Variants in LRP1B observed in about 807,000 individuals in gnomAD.
The protein encoded by LRP1B is LDL receptor related protein 1B, also known as low-density lipoprotein receptor-related protein 1B.
A neutral mutation model predicts 556.6 loss-of-function variants in LRP1B; 217 were observed. The ratio of observed to expected loss-of-function variants is 0.39; its 90% CI spans 0.35 to 0.44. The LOEUF (loss-of-function observed/expected upper bound fraction) is 0.44. LRP1B is among the 20% of genes least tolerant of loss of function. The pLI is 1.00. For missense variants in LRP1B, 5,053 were observed against 5,620.8 expected (o/e 0.90, Z 3.23); for synonymous variants, 2,047 against 1,865.8 (o/e 1.10, Z -2.50).
intron 1 of LRP1B, among the ~76,000 whole-genome samples, chr2:141,966,653 C>T (rs1047215068): frequency 2.0e-5 from 3 of 151,512 alleles, no homozygotes; most frequent in Non-Finnish European, 4.4e-5. Context: ...GAATCCATCT[C>T]GGGGGGCTGC....
At position 141,188,525 on chromosome 2, in the gene LRP1B, G is replaced by C. The variant is rs147017724; in HGVS notation, c.909C>G (p.Val303=). 1 of 1,612,592 alleles carries C rather than the reference G, an allele frequency of 6.2e-7. No homozygotes were observed. Among genetic ancestry groups the C allele is most frequent in the Non-Finnish European group, 8.5e-7 (1 of 1,179,206 alleles). The change falls in exon 7 of 91, where the codon GTC becomes GTG. Residue 303 remains valine (V), a synonymous_variant. Coordinates refer to ENST00000389484, the MANE Select transcript of LRP1B (RefSeq NM_018557.3). ...AATTACAAACAAAGATCCGGTCACC[G>C]ACATGGTCCACAAAATAGAGATTTC... ...LTRNLYFVDH[V]GDRIFVCNSN...
At position 141,062,400 on chromosome 2, in the gene LRP1B, T is replaced by C. The variant is rs1325197960; in HGVS notation, c.1014-127A>G. 9 of 616,968 alleles carry C rather than the reference T, an allele frequency of 1.5e-5. No individual in the cohort carries two copies. In the East Asian group the frequency reaches 1.7e-4, roughly 11 times the overall value. 38.2% of individuals were successfully genotyped at this position (616,968 alleles called of 1,614,324 possible). A position where few individuals can be genotyped will look rare whatever the true frequency, so the allele number is the denominator to read the frequency against. On this transcript the variant is annotated intron_variant, in intron 7 of 90. Coordinates refer to ENST00000389484, the MANE Select transcript of LRP1B (RefSeq NM_018557.3). ...AGTGATTACATCTGTTGGCTTCATA[T>C]AACCATTTCCTTATAATATCACTCA...
chr2:141,678,787 G>T (rs1690988610), intron 2 of LRP1B, among the ~76,000 whole-genome samples: 1 of 152,082 alleles, frequency 6.6e-6, no homozygotes, highest in South Asian at 2.1e-4. Flanking sequence ...CCAATTAATA[G>T]TTAGAAAAAT....
At chr2:141,597,367 AT>A (rs1390419962) in intron 2 of LRP1B, among the ~76,000 whole-genome samples, 3 of 152,000 alleles carry the variant, frequency 2.0e-5, no homozygotes, top group Admixed American at 6.6e-5. Flanking sequence ...TAGTACCTAG[AT>A]TTAAGCCGTA....
intron 43 of LRP1B, among the ~76,000 whole-genome samples, chr2:140,549,436 G>A (rs1490497022): frequency 1.3e-5 from 2 of 152,078 alleles, no homozygotes; most frequent in Non-Finnish European, 2.9e-5. Context: ...AATTAAAAGT[G>A]AGTTGATGGG....
chr2:141,987,966 T>C (rs1211289934), intron 1 of LRP1B, among the ~76,000 whole-genome samples: 1 of 151,894 alleles, frequency 6.6e-6, no homozygotes, highest in Admixed American at 6.6e-5. Flanking sequence ...TTATTATCAG[T>C]TTTGATCCCT....
chr2:141,050,886 G>C (rs1378468057), intron 10 of LRP1B, among the ~76,000 whole-genome samples: 1 of 152,046 alleles, frequency 6.6e-6, no homozygotes, highest in Non-Finnish European at 1.5e-5. Context: ...CTACCCATTT[G>C]ACAAAGGACT....
intron 1 of LRP1B, among the ~76,000 whole-genome samples, chr2:142,107,898 G>A (rs1012608295): frequency 7.4e-5 from 11 of 147,976 alleles, no homozygotes; most frequent in Admixed American, 2.7e-4. Flanking sequence ...CGCCCACCTC[G>A]GCCTCCCAAA....
intron 75 of LRP1B, 29 bp downstream of exon 75, chr2:140,356,313 G>T (rs1302933779): frequency 1.2e-6 from 2 of 1,606,700 alleles, no homozygotes; most frequent in South Asian, 2.2e-5. Flanking sequence ...AAAGATTTAT[G>T]AGCAAACTGT....
chr2:141,721,839 T>A (rs1692825303), intron 2 of LRP1B, among the ~76,000 whole-genome samples: 1 of 152,096 alleles, frequency 6.6e-6, no homozygotes, highest in Non-Finnish European at 1.5e-5. Flanking sequence ...TATGGCCATC[T>A]CCTGTATCAA....
rs750525512 is a variant in LRP1B at position 140,902,900 on chromosome 2, C to T, written c.3766+20G>A. ...AGATCTATTCTTAAATATAGCAACA[C>T]ACACAAAATAGTTACTTACCAACAC... On this transcript the variant is annotated intron_variant, in intron 23 of 90. Transcript: ENST00000389484. 1 of 1,607,932 alleles carries T rather than the reference C, an allele frequency of 6.2e-7. No individual in the cohort carries two copies. Among genetic ancestry groups the T allele is most frequent in the Non-Finnish European group, 8.5e-7 (1 of 1,175,314 alleles).
chr2:141,717,211 T>C (rs998321753), intron 2 of LRP1B, among the ~76,000 whole-genome samples: 2 of 152,196 alleles, frequency 1.3e-5, no homozygotes, highest in African/African-American at 4.8e-5. Context: ...TCTCAGCAAC[T>C]AATTTTTAAC....
chr2:141,064,165 T>C (rs567510242), intron 7 of LRP1B, among the ~76,000 whole-genome samples: 52 of 151,962 alleles, frequency 3.4e-4, no homozygotes, highest in African/African-American at 1.3e-3. Flanking sequence ...TTCACAGACA[T>C]CTAAAACAGA....
chr2:141,836,569 T>G (rs1013620425), intron 1 of LRP1B, among the ~76,000 whole-genome samples: 2 of 151,984 alleles, frequency 1.3e-5, no homozygotes, highest in African/African-American at 4.8e-5. Context: ...TGTCACTTGA[T>G]GGAAGCTGGG....
intron 20 of LRP1B, among the ~76,000 whole-genome samples, chr2:140,926,063 T>C (rs1454711710): frequency 6.6e-6 from 1 of 151,462 alleles, no homozygotes; most frequent in African/African-American, 2.4e-5. Context: ...TTTCTTTTTT[T>C]TTTTTTTTTT....
intron 7 of LRP1B, among the ~76,000 whole-genome samples, chr2:141,133,290 C>CTT (rs3063810): frequency 0.11 from 14,800 of 137,046 alleles, 888 homozygotes; most frequent in East Asian, 0.16. Context: ...TGTAACGTCT[C>CTT]TTTTTTTTTT....
At chr2:141,694,848 G>C (rs1348404859) in intron 2 of LRP1B, among the ~76,000 whole-genome samples, 1 of 151,938 alleles carries the variant, frequency 6.6e-6, no homozygotes, top group African/African-American at 2.4e-5. Context: ...TTCCATTTCT[G>C]TCTTTTATTT....
At chr2:141,793,766 T>C (rs961953028) in intron 2 of LRP1B, among the ~76,000 whole-genome samples, 4 of 151,972 alleles carry the variant, frequency 2.6e-5, no homozygotes, top group Non-Finnish European at 4.4e-5. Context: ...TTTTAACGTG[T>C]ATCAGTTAAA....
At chr2:142,024,710 T>A (rs116766132) in intron 1 of LRP1B, among the ~76,000 whole-genome samples, 5,096 of 150,000 alleles carry the variant, frequency 0.034, 86 homozygotes, top group Non-Finnish European at 0.04. Context: ...CCCTTTAAAA[T>A]CTTAGGTTAA....
Sources: gnomAD v4.1 joint callset for allele counts (sites outside exome capture counted in the v4.1 genomes callset) on GRCh38, gnomAD v4.1.1 for gene constraint, MANE v1.5 for transcripts, NCBI Gene and HGNC (gene_info 2026-07-23, HGNC 2026-07-21) for gene names.